The following MYO18B variants were observed in gnomAD, a reference collection of about 807,000 sequenced individuals.
The protein encoded by MYO18B is myosin XVIIIB.
In MYO18B, 204 loss-of-function variants were observed where a neutral mutation model predicts 273.0. That is an observed-to-expected ratio of 0.75 (90% CI 0.67 to 0.84). The LOEUF (loss-of-function observed/expected upper bound fraction) is 0.84. MYO18B is among the 40% of genes least tolerant of loss of function. The probability of loss-of-function intolerance (pLI) is 0.00; values close to 1 mark genes in which losing one functional copy is unlikely to be tolerated. For missense variants in MYO18B, 3,212 were observed against 3,287.6 expected, an observed-to-expected ratio of 0.98 and a Z score of 0.56; for synonymous variants, 1,330 against 1,305.7, an observed-to-expected ratio of 1.02 and a Z score of -0.40.
intron 16 of MYO18B, 85 bp downstream of exon 16, chr22:25,833,082 A>G: frequency 1.5e-6 from 2 of 1,297,088 alleles, no homozygotes; most frequent in Non-Finnish European, 2.2e-6. Flanking sequence ...TCAGTCTACT[A>G]GTTGTCAATG....
intron 42 of MYO18B, among the ~76,000 whole-genome samples, chr22:26,025,407 C>T (rs2055987447): frequency 6.6e-6 from 1 of 152,088 alleles, no homozygotes; most frequent in Non-Finnish European, 1.5e-5. Context: ...TCTCAGTCAC[C>T]CTTTATACAT....
At position 25,946,071 on chromosome 22, in the gene MYO18B, C is replaced by T. The variant is rs570856417; in HGVS notation, c.5518-66C>T. 5.6e-5 allele frequency: 6 copies of T among 107,018 alleles called. No individual in the cohort carries two copies. In the South Asian group the frequency reaches 6.1e-4, roughly 11 times the overall value. 6.6% of individuals were successfully genotyped at this position (107,018 alleles called of 1,614,324 possible). A position where few individuals can be genotyped will look rare whatever the true frequency, so the allele number is the denominator to read the frequency against. On this transcript the variant is annotated intron_variant, in intron 34 of 43. Coordinates refer to ENST00000335473, the MANE Select transcript of MYO18B (RefSeq NM_032608.7). ...CCCCTCCCACCTTCCCTCCCCTCCCCACCTCCCTTCCCCTCTTCCCTTCTC... is the reference window on the plus strand; with the variant it reads ...CCCCTCCCACCTTCCCTCCCCTCCCTACCTCCCTTCCCCTCTTCCCTTCTC...
chr22:25,852,530 G>A (rs969274343), intron 21 of MYO18B, among the ~76,000 whole-genome samples: 2 of 152,152 alleles, frequency 1.3e-5, no homozygotes, highest in Non-Finnish European at 2.9e-5. Flanking sequence ...TTCAATAAAT[G>A]TTTCTCTTGA....
rs116053230 is a variant in MYO18B, at chr22:25,782,596, T to C, written c.2312+762T>C. Among the ~76,000 whole-genome samples the C allele has an allele frequency of 8.0e-3, 1,223 of 152,308 alleles. 18 individuals carry two copies. The highest frequency in any genetic ancestry group is 0.027 in the African/African-American group (1,127 of 41,550). ...TCCTCCTCTGTTGGATGGATGGGCATGGTCCTAGTGAAGTGTCGGGGAGAG... is the reference window on the plus strand; with the variant it reads ...TCCTCCTCTGTTGGATGGATGGGCACGGTCCTAGTGAAGTGTCGGGGAGAG... On this transcript the variant is annotated intron_variant, in intron 10 of 43. Coordinates refer to ENST00000335473, the MANE Select transcript of MYO18B (RefSeq NM_032608.7).
At chr22:25,981,218 C>T (rs1019194907) in intron 39 of MYO18B, among the ~76,000 whole-genome samples, 2 of 152,238 alleles carry the variant, frequency 1.3e-5, no homozygotes, top group African/African-American at 4.8e-5. Context: ...AGACTTCAAC[C>T]TGTCTTCTCT....
intron 34 of MYO18B, among the ~76,000 whole-genome samples, chr22:25,925,613 T>G (rs1247021754): frequency 1.3e-5 from 2 of 151,978 alleles, no homozygotes; most frequent in African/African-American, 4.8e-5. Context: ...CTTCAGAAAC[T>G]TGAGCAGGTG....
intron 8 of MYO18B, 40 bp from the exon 9 acceptor site, chr22:25,780,016 G>T (rs1386658304): frequency 6.5e-7 from 1 of 1,530,412 alleles, no homozygotes; most frequent in Non-Finnish European, 8.8e-7. Context: ...GGCAGCACCT[G>T]GGCCATCAGT....
intron 29 of MYO18B, chr22:25,899,296 CGGTGAGGGGAAA>C (rs1569167348): frequency 6.6e-6 from 1 of 152,180 alleles, no homozygotes; most frequent in African/African-American, 2.4e-5. Flanking sequence ...CCAGCTCACT[CGGTGAGGGGAAA>C]GGTATACAGG....
chr22:25,833,227 T>C (rs570728114), intron 16 of MYO18B, among the ~76,000 whole-genome samples: 1 of 152,338 alleles, frequency 6.6e-6, no homozygotes, highest in South Asian at 2.1e-4. Context: ...TGAGAACTGC[T>C]GCTGTCCTTT....
At chr22:25,778,280 G>A (rs1200973133) in intron 8 of MYO18B, among the ~76,000 whole-genome samples, 18 of 124,602 alleles carry the variant, frequency 1.4e-4, no homozygotes, top group Non-Finnish European at 3.4e-5. Context: ...TCTTCAAAAA[G>A]TGCTGGCAGG....
At chr22:25,994,589 G>A (rs1418731851) in intron 40 of MYO18B, among the ~76,000 whole-genome samples, 2 of 152,142 alleles carry the variant, frequency 1.3e-5, no homozygotes, top group African/African-American at 2.4e-5. Flanking sequence ...AAGTATTCCC[G>A]CTATTCCCTG....
chr22:25,788,708 T>A (rs1173881792), intron 11 of MYO18B, among the ~76,000 whole-genome samples: 1 of 152,260 alleles, frequency 6.6e-6, no homozygotes, highest in Non-Finnish European at 1.5e-5. Context: ...CATCCCTGGC[T>A]GAGCCCTCCT....
At chr22:25,992,261 T>G in intron 39 of MYO18B, 102 bp from the exon 40 acceptor site, 1 of 1,466,126 alleles carries the variant, frequency 6.8e-7, no homozygotes, top group South Asian at 1.3e-5. Context: ...AGGTGCTCAG[T>G]GAACACTAGG....
At chr22:25,773,409 A>G (rs1160272277) in intron 7 of MYO18B, among the ~76,000 whole-genome samples, 2 of 151,958 alleles carry the variant, frequency 1.3e-5, no homozygotes, top group Non-Finnish European at 2.9e-5. Context: ...GTCAGTTCTC[A>G]GGGTGATGAT....
At chr22:25,778,409 A>G (rs1023115824) in intron 8 of MYO18B, among the ~76,000 whole-genome samples, 1 of 152,178 alleles carries the variant, frequency 6.6e-6, no homozygotes, top group Non-Finnish European at 1.5e-5. Flanking sequence ...CAACTACAAT[A>G]TTAATAACCA....
At chr22:25,842,968 G>C (rs2090128369) in intron 17 of MYO18B, among the ~76,000 whole-genome samples, 1 of 152,172 alleles carries the variant, frequency 6.6e-6, no homozygotes, top group Admixed American at 6.5e-5. Flanking sequence ...TGCTGACTGA[G>C]TGACCATTAT....
At chr22:25,906,582 A>G (rs1403164961) in intron 31 of MYO18B, among the ~76,000 whole-genome samples, 1 of 152,330 alleles carries the variant, frequency 6.6e-6, no homozygotes, top group Non-Finnish European at 1.5e-5. Flanking sequence ...AGTAGAGTAA[A>G]TGATCAGAAA....
intron 39 of MYO18B, among the ~76,000 whole-genome samples, chr22:25,986,138 C>T (rs150738675): frequency 2.1e-4 from 32 of 152,310 alleles, no homozygotes; most frequent in Admixed American, 4.6e-4. Flanking sequence ...GTCAGGAGAC[C>T]TGAGCTTAGC....
chr22:25,772,204 C>T lies in MYO18B; in HGVS notation c.1693-130C>T. The stretch of plus-strand genomic sequence containing the variant: ...GCTTTCCATCCAGAGTCCCTGTGCT[C>T]TGTTCTGGTCTTTGGCACATAGCTC... On this transcript the variant is annotated intron_variant, in intron 6 of 43. Coordinates refer to ENST00000335473, the MANE Select transcript of MYO18B (RefSeq NM_032608.7). 3 of 759,848 alleles carry T rather than the reference C, an allele frequency of 3.9e-6. No individual in the cohort carries two copies. In the Admixed American group the frequency reaches 1.0e-4, roughly 26 times the overall value. 47.1% of individuals were successfully genotyped at this position (759,848 alleles called of 1,614,324 possible).
Sources: gnomAD v4.1 joint callset for allele counts (sites outside exome capture counted in the v4.1 genomes callset) on GRCh38, gnomAD v4.1.1 for gene constraint, MANE v1.5 for transcripts, NCBI Gene and HGNC (gene_info 2026-07-23, HGNC 2026-07-21) for gene names.